NDRG1: variants seen among roughly 807,000 people sequenced by gnomAD.
NDRG1 encodes protein NDRG1.
NDRG1 carries 32 observed loss-of-function variants against 56.9 expected under a neutral mutation model. The observed-to-expected ratio is 0.56, with a 90% CI of 0.42 to 0.76. NDRG1 has a LOEUF of 0.76. Among genes scored for constraint, NDRG1 ranks in the 30% least tolerant of loss-of-function variants. The probability of loss-of-function intolerance (pLI) is 0.00; values close to 1 mark genes in which losing one functional copy is unlikely to be tolerated. For synonymous variants in NDRG1, 211 were observed against 204.1 expected (o/e 1.03, Z -0.29); for missense variants, 507 against 545.7 (o/e 0.93, Z 0.71).
At chr8:133,295,937 A>T (rs1858725385) in intron 1 of NDRG1, among the ~76,000 whole-genome samples, 1 of 151,760 alleles carries the variant, frequency 6.6e-6, no homozygotes, top group Non-Finnish European at 1.5e-5. Flanking sequence ...TCCCCCACCC[A>T]CTGCCAGGCA....
In NDRG1 at chr8:133,238,624, C is replaced by T. The variant is rs965719216; in HGVS notation, c.*254G>A. 4 of 558,612 alleles carry T rather than the reference C, an allele frequency of 7.2e-6. No homozygotes were observed. Among genetic ancestry groups the T allele is most frequent in the Middle Eastern group, 4.7e-4 (1 of 2,126 alleles). The allele number at this position is 558,612 out of a possible 1,614,324, so 34.6% of individuals were successfully genotyped here. ...TGAGGGAGGGGAGGAGAGTGGCAAC[C>T]GGCCACTGGTTAATGGAAGAGGATG... is the stretch of plus-strand genomic sequence containing the variant. On this transcript the variant is annotated 3_prime_UTR_variant, in exon 16 of 16. Transcript: ENST00000323851.
intron 3 of NDRG1, among the ~76,000 whole-genome samples, chr8:133,270,219 C>T (rs1488004023): frequency 6.6e-6 from 1 of 152,252 alleles, no homozygotes; most frequent in African/African-American, 2.4e-5. Context: ...GCACGTACCA[C>T]TATGGTCTAC....
At chr8:133,282,767 A>G (rs966309321) in intron 2 of NDRG1, among the ~76,000 whole-genome samples, 2 of 152,238 alleles carry the variant, frequency 1.3e-5, no homozygotes, top group Non-Finnish European at 2.9e-5. Context: ...AGCAGTTGCA[A>G]CAGAGGTCAT....
At chr8:133,289,345 A>G (rs2977511) in intron 1 of NDRG1, among the ~76,000 whole-genome samples, 53,727 of 152,010 alleles carry the variant, frequency 0.35, 9,839 homozygotes, top group East Asian at 0.49. Context: ...TAATTCATCA[A>G]CATACTTTCC....
rs534271454 is a variant in NDRG1 at position 133,244,966 on chromosome 8, G to A, written c.856-576C>T. Among the ~76,000 whole-genome samples, 17 of 152,274 alleles carry A rather than the reference G, an allele frequency of 1.1e-4. No individual in the cohort carries two copies. In the South Asian group the frequency reaches 1.2e-3, roughly 11 times the overall value. On this transcript the variant is annotated intron_variant, in intron 13 of 15. Coordinates refer to ENST00000323851, the MANE Select transcript of NDRG1 (RefSeq NM_006096.4). Reference sequence around the variant, plus strand: ...TGCAGCCAGCCTGGAAATGGGCAGCGCTGACGGCAAGGGAGCAGGGGGAGG... The same window carrying A: ...TGCAGCCAGCCTGGAAATGGGCAGCACTGACGGCAAGGGAGCAGGGGGAGG...
At chr8:133,246,349 C>T (rs1024511252) in intron 13 of NDRG1, among the ~76,000 whole-genome samples, 1 of 152,222 alleles carries the variant, frequency 6.6e-6, no homozygotes, top group African/African-American at 2.4e-5. Context: ...AGGGCCCTTG[C>T]CAAGCCATCC....
intron 1 of NDRG1, among the ~76,000 whole-genome samples, chr8:133,290,619 T>C (rs1858377200): frequency 6.6e-6 from 1 of 152,252 alleles, no homozygotes; most frequent in South Asian, 2.1e-4. Flanking sequence ...CGTTGTAAGG[T>C]GGGCTGCACG....
chr8:133,293,645 G>T (rs551854147), intron 1 of NDRG1, among the ~76,000 whole-genome samples: 1 of 152,298 alleles, frequency 6.6e-6, no homozygotes, highest in South Asian at 2.1e-4. Flanking sequence ...AGGTACAGCG[G>T]CATGTATGAC....
intron 14 of NDRG1, 61 bp downstream of exon 14, chr8:133,244,294 C>A: frequency 6.3e-7 from 1 of 1,592,180 alleles, no homozygotes; most frequent in Non-Finnish European, 8.6e-7. Flanking sequence ...CACAGAGGCA[C>A]ATGCACTCCA....
chr8:133,243,393 A>G (rs1052356860), intron 14 of NDRG1, among the ~76,000 whole-genome samples: 12 of 152,184 alleles, frequency 7.9e-5, no homozygotes, highest in African/African-American at 2.9e-4. Context: ...AATCTCTCTC[A>G]ACTTTTGGCC....
chr8:133,239,306 G>C, intron 15 of NDRG1, 187 bp from the exon 16 acceptor site: 2 of 949,152 alleles, frequency 2.1e-6, no homozygotes, highest in Non-Finnish European at 1.6e-6. Context: ...GCAAGGCCCA[G>C]ATGCGGGAAG....
intron 3 of NDRG1, among the ~76,000 whole-genome samples, chr8:133,274,962 A>C (rs1446473295): frequency 6.6e-6 from 1 of 152,196 alleles, no homozygotes; most frequent in Non-Finnish European, 1.5e-5. Flanking sequence ...GAGGACACTG[A>C]AGTGCATGGC....
At chr8:133,272,682 T>G (rs1857254150) in intron 3 of NDRG1, among the ~76,000 whole-genome samples, 1 of 152,114 alleles carries the variant, frequency 6.6e-6, no homozygotes, top group Admixed American at 6.5e-5. Context: ...AAGTATGCTG[T>G]GTTTATTTTC....
In NDRG1 at chr8:133,238,476, G is replaced by A. The variant is rs551081194; in HGVS notation, c.*402C>T. On this transcript the variant is annotated 3_prime_UTR_variant, in exon 16 of 16. Coordinates refer to ENST00000323851, the MANE Select transcript of NDRG1 (RefSeq NM_006096.4). The stretch of plus-strand genomic sequence containing the variant: ...GCTTCTCCTCAGTTAAAGAGGAAAC[G>A]GGAAGTGGGCGGCTGGCCTTCTGAC... 6.9e-5 allele frequency: 19 copies of A among 276,220 alleles called. No individual in the cohort carries two copies. The highest frequency in any genetic ancestry group is 2.3e-4 in the African/African-American group (11 of 46,872). The allele number at this position is 276,220 out of a possible 1,614,324, so 17.1% of individuals were successfully genotyped here.
chr8:133,250,692 T>G, intron 9 of NDRG1, 149 bp from the exon 10 acceptor site: 2 of 742,868 alleles, frequency 2.7e-6, no homozygotes, highest in South Asian at 3.0e-5. Flanking sequence ...AAAAAAACCT[T>G]TGGGAAAGCA....
At chr8:133,283,201 G>T (rs1481895339) in intron 2 of NDRG1, among the ~76,000 whole-genome samples, 1 of 152,158 alleles carries the variant, frequency 6.6e-6, no homozygotes, top group Non-Finnish European at 1.5e-5. Context: ...AAATGAGTAC[G>T]ATCACAGAAC....
rs760492769 is a variant in NDRG1 at position 133,246,596 on chromosome 8, C to A, written c.855+20G>T. 2.5e-6 allele frequency: 4 copies of A among 1,613,730 alleles called. No individual in the cohort carries two copies. Among genetic ancestry groups the A allele is most frequent in the Non-Finnish European group, 3.4e-6 (4 of 1,179,636 alleles). On this transcript the variant is annotated intron_variant, in intron 13 of 15. Transcript: ENST00000323851. Reference sequence around the variant, plus strand: ...TTTCTAAGAAATAACAAACACGAACCCCCACTGTTTTCCCTGTACCTTGAG... The same window carrying A: ...TTTCTAAGAAATAACAAACACGAACACCCACTGTTTTCCCTGTACCTTGAG...
At chr8:133,287,945 G>GCACA (rs61430539) in intron 1 of NDRG1, among the ~76,000 whole-genome samples, 3,622 of 149,108 alleles carry the variant, frequency 0.024, 135 homozygotes, top group African/African-American at 0.082. Flanking sequence ...GTGCACACAC[G>GCACA]CACACACACA....
chr8:133,240,356 G>A (rs1229028935), intron 15 of NDRG1: 1 of 152,224 alleles, frequency 6.6e-6, no homozygotes, highest in East Asian at 1.9e-4. Flanking sequence ...TAGGCACAGG[G>A]AGGGGCTTTT....
Sources: allele counts gnomAD v4.1 joint callset (sites outside exome capture counted in the v4.1 genomes callset), GRCh38; gene constraint gnomAD v4.1.1; transcripts MANE v1.5; gene names NCBI Gene and HGNC (gene_info 2026-07-23, HGNC 2026-07-21).